LUC7L3: variants seen among roughly 807,000 people sequenced by gnomAD.
LUC7L3 encodes luc7-like protein 3.
In LUC7L3, 6 loss-of-function variants were observed where a neutral mutation model predicts 66.8. That is an observed-to-expected ratio of 0.09 (90% confidence interval 0.05 to 0.18). LUC7L3 has a LOEUF of 0.18. Among genes scored for constraint, LUC7L3 ranks in the 10% least tolerant of loss-of-function variants. The pLI is 1.00. For synonymous variants in LUC7L3, 160 were observed against 174.7 expected (o/e 0.92, Z 0.66); for missense variants, 341 against 531.1 (o/e 0.64, Z 3.52).
chr17:50,751,843 A>G lies in LUC7L3; in HGVS notation c.*1182A>G. 9.9e-7 allele frequency: 1 copy of G among 1,008,658 alleles called. No individual in the cohort carries two copies. The highest frequency in any genetic ancestry group is 1.2e-6 in the Non-Finnish European group (1 of 843,982). 62.5% of individuals were successfully genotyped at this position (1,008,658 alleles called of 1,614,324 possible). A position where few individuals can be genotyped will look rare whatever the true frequency, so the allele number is the denominator to read the frequency against. On this transcript the variant is annotated 3_prime_UTR_variant, in exon 10 of 10. Coordinates refer to ENST00000505658, the MANE Select transcript of LUC7L3 (RefSeq NM_016424.5). ...AACGAATTTGGGTTTTTAAAGAAAT[A>G]TTAAAAGTTAGGTACTGTAAGTGTT...
intron 8 of LUC7L3, 85 bp from the exon 9 acceptor site, chr17:50,746,457 G>A (rs1007977611): frequency 1.6e-6 from 2 of 1,228,114 alleles, no homozygotes; most frequent in African/African-American, 3.0e-5. Flanking sequence ...GTTTTGCCTA[G>A]TCTTGTTAAT....
chr17:50,723,449 C>T (rs1358273347), intron 1 of LUC7L3: 1 of 152,384 alleles, frequency 6.6e-6, no homozygotes, highest in East Asian at 1.9e-4. Context: ...ACATTTTTTA[C>T]TTGTATACTT....
In LUC7L3 at chr17:50,730,226, C is replaced by A. The variant is rs540105214; in HGVS notation, c.100-6734C>A. 2.6e-3 allele frequency among the ~76,000 whole-genome samples: 396 copies of A among 152,040 alleles called. 2 individuals carry two copies. The highest frequency in any genetic ancestry group is 3.8e-3 in the Non-Finnish European group (257 of 67,974). On this transcript the variant is annotated intron_variant, in intron 1 of 9. Transcript: ENST00000505658. ...AGCTTAAGCCATCTGCCTGCCTCAG[C>A]CTCCCAAAGTGCTGAGATTACAGGC...
rs1043349642 is a variant in LUC7L3 at position 50,755,495 on chromosome 17, G to T, written c.*4834G>T. 1 of 152,192 alleles carries T rather than the reference G, an allele frequency of 6.6e-6. No individual in the cohort carries two copies. The highest frequency in any genetic ancestry group is 2.4e-5 in the African/African-American group (1 of 41,452). 9.4% of individuals were successfully genotyped at this position (152,192 alleles called of 1,614,324 possible). A position where few individuals can be genotyped will look rare whatever the true frequency, so the allele number is the denominator to read the frequency against. On this transcript the variant is annotated 3_prime_UTR_variant, in exon 10 of 10. Transcript: ENST00000505658. ...TACATTTCAAGTAAGCCAAAGCAGAGAAGTAAATGTATTTTTCATTGTTGT... is the reference window on the plus strand; with the variant it reads ...TACATTTCAAGTAAGCCAAAGCAGATAAGTAAATGTATTTTTCATTGTTGT...
At chr17:50,728,453 C>A (rs1240075784) in intron 1 of LUC7L3, among the ~76,000 whole-genome samples, 2 of 150,972 alleles carry the variant, frequency 1.3e-5, no homozygotes, top group Non-Finnish European at 3.0e-5. Flanking sequence ...GTGAATTGAA[C>A]TCTTAGGTAA....
At chr17:50,733,703 G>A (rs1226669226) in intron 1 of LUC7L3, among the ~76,000 whole-genome samples, 3 of 152,110 alleles carry the variant, frequency 2.0e-5, no homozygotes, top group African/African-American at 7.2e-5. Context: ...CACAGTAATA[G>A]TAAGACTTTT....
chr17:50,748,535 T>C (rs1970816967), intron 9 of LUC7L3: 1 of 151,988 alleles, frequency 6.6e-6, no homozygotes, highest in South Asian at 2.1e-4. Context: ...TGTTGTCCAG[T>C]GTGATCTCGA....
chr17:50,751,458 C>T lies in LUC7L3; in HGVS notation c.*797C>T, dbSNP rs1343893719. The T allele has an allele frequency of 1.6e-6, 2 of 1,250,388 alleles. No homozygotes were observed. Among genetic ancestry groups the T allele is most frequent in the Non-Finnish European group, 2.1e-6 (2 of 967,044 alleles). 77.5% of individuals were successfully genotyped at this position (1,250,388 alleles called of 1,614,324 possible). ...TTAACTGTTGTGTATCTTTTTTGTT[C>T]TTTACAAGAAGTGCAGAGGGGTTTT... is the stretch of plus-strand genomic sequence containing the variant. On this transcript the variant is annotated 3_prime_UTR_variant, in exon 10 of 10. Coordinates refer to ENST00000505658, the MANE Select transcript of LUC7L3 (RefSeq NM_016424.5).
intron 1 of LUC7L3, among the ~76,000 whole-genome samples, chr17:50,726,484 C>T (rs1263332060): frequency 6.6e-6 from 1 of 152,004 alleles, no homozygotes; most frequent in African/African-American, 2.4e-5. Flanking sequence ...TGTACAATAC[C>T]ATGACCTTTG....
chr17:50,722,488 G>C (rs1968851494), intron 1 of LUC7L3: 1 of 152,078 alleles, frequency 6.6e-6, no homozygotes. Flanking sequence ...GAGCCACCGC[G>C]CCCGGCCGGC....
At chr17:50,736,890 T>C in intron 1 of LUC7L3, 70 bp from the exon 2 acceptor site, 2 of 882,380 alleles carry the variant, frequency 2.3e-6, no homozygotes, top group Non-Finnish European at 3.7e-6. Flanking sequence ...AAAATAGTTA[T>C]TTGGCACCTT....
At chr17:50,720,685 G>A (rs749647042) in intron 1 of LUC7L3, among the ~76,000 whole-genome samples, 8 of 152,186 alleles carry the variant, frequency 5.3e-5, no homozygotes, top group Non-Finnish European at 1.0e-4. Context: ...TTACTTTGAG[G>A]TTATAATCTA....
At chr17:50,732,316 C>G (rs1212088960) in intron 1 of LUC7L3, among the ~76,000 whole-genome samples, 1 of 152,156 alleles carries the variant, frequency 6.6e-6, no homozygotes, top group Non-Finnish European at 1.5e-5. Flanking sequence ...TACATACAGG[C>G]TAACACCTTT....
At chr17:50,744,222 A>G (rs1970525180) in intron 6 of LUC7L3, among the ~76,000 whole-genome samples, 1 of 152,260 alleles carries the variant, frequency 6.6e-6, no homozygotes, top group Non-Finnish European at 1.5e-5. Context: ...TTCAGATACT[A>G]TTGATTGCAG....
intron 1 of LUC7L3, among the ~76,000 whole-genome samples, chr17:50,735,511 CTT>C (rs140410861): frequency 6.6e-6 from 1 of 150,602 alleles, no homozygotes; most frequent in African/African-American, 2.4e-5. Flanking sequence ...TTTTCTTTTT[CTT>C]TTTTTCAAGA....
intron 2 of LUC7L3, among the ~76,000 whole-genome samples, chr17:50,740,081 G>C (rs556730862): frequency 6.6e-6 from 1 of 152,004 alleles, no homozygotes; most frequent in East Asian, 1.9e-4. Flanking sequence ...AACCATATAT[G>C]GTTGCTGTCC....
intron 1 of LUC7L3, among the ~76,000 whole-genome samples, chr17:50,728,333 G>T (rs1479384096): frequency 6.6e-6 from 1 of 152,160 alleles, no homozygotes; most frequent in Non-Finnish European, 1.5e-5. Flanking sequence ...GGAAATGAAT[G>T]TGTGGTCGTG....
intron 2 of LUC7L3, among the ~76,000 whole-genome samples, chr17:50,738,463 A>G (rs148886938): frequency 7.6e-4 from 116 of 152,358 alleles, no homozygotes; most frequent in Non-Finnish European, 1.2e-3. Context: ...CAGAAGAGAG[A>G]TTCTTCAAAA....
chr17:50,722,682 G>C (rs1312974804), intron 1 of LUC7L3: 1 of 152,140 alleles, frequency 6.6e-6, no homozygotes, highest in Non-Finnish European at 1.5e-5. Flanking sequence ...CAGCACTTGC[G>C]AAGCGCAGTT....
Sources: gnomAD v4.1 joint callset for allele counts (sites outside exome capture counted in the v4.1 genomes callset) on GRCh38, gnomAD v4.1.1 for gene constraint, MANE v1.5 for transcripts, NCBI Gene and HGNC (gene_info 2026-07-23, HGNC 2026-07-21) for gene names.